MYH10: variants seen among roughly 807,000 people sequenced by gnomAD.
MYH10 encodes the protein myosin-10.
A neutral mutation model predicts 257.8 loss-of-function variants in MYH10; 55 were observed. The observed-to-expected ratio is 0.21, with a 90% CI of 0.17 to 0.27. The LOEUF is 0.27. MYH10 is among the 10% of genes least tolerant of loss of function. MYH10 has a pLI of 1.00. For synonymous variants in MYH10, 854 were observed against 921.7 expected, an observed-to-expected ratio of 0.93 and a Z score of 1.33; for missense variants, 1,631 against 2,500.6, an observed-to-expected ratio of 0.65 and a Z score of 7.42.
chr17:8,535,958 A>G lies in MYH10; in HGVS notation c.1606-27T>C. 1 of 1,602,034 alleles carries G rather than the reference A, an allele frequency of 6.2e-7. No individual in the cohort carries two copies. Among genetic ancestry groups the G allele is most frequent in the Non-Finnish European group, 8.5e-7 (1 of 1,172,764 alleles). Reference sequence around the variant, plus strand: ...TGATAATGACAGGCAATAAGAATTCACAAGTTTTGCATGCCACTTTAATAC... The same window carrying G: ...TGATAATGACAGGCAATAAGAATTCGCAAGTTTTGCATGCCACTTTAATAC... On this transcript the variant is annotated intron_variant, in intron 14 of 42. Coordinates refer to ENST00000360416, the MANE Select transcript of MYH10 (RefSeq NM_001256012.3). The surrounding 1 kb of genome is among the most constrained non-coding windows in gnomAD (Gnocchi z 4.3).
intron 6 of MYH10, chr17:8,573,908 G>T: frequency 4.4e-6 from 3 of 680,122 alleles, no homozygotes; most frequent in Non-Finnish European, 5.4e-6. Flanking sequence ...AATGCCAAGT[G>T]CCAATGAGGA....
At chr17:8,608,959 T>C (rs928836540) in intron 2 of MYH10, among the ~76,000 whole-genome samples, 12 of 152,204 alleles carry the variant, frequency 7.9e-5, no homozygotes, top group Admixed American at 2.6e-4. Flanking sequence ...TACAGGCGCC[T>C]GCCACCACGC....
At position 8,510,379 on chromosome 17, in the gene MYH10, T is replaced by G. The variant is rs9989473; in HGVS notation, c.2953-430A>C. ...CAGTTATGTGAAATAGACATTTGTATCCGCTACAGGCTAAAGTACAAACTG... is the reference window on the plus strand; with the variant it reads ...CAGTTATGTGAAATAGACATTTGTAGCCGCTACAGGCTAAAGTACAAACTG... On this transcript the variant is annotated intron_variant, in intron 24 of 42. Coordinates refer to ENST00000360416, the MANE Select transcript of MYH10 (RefSeq NM_001256012.3). Among the ~76,000 whole-genome samples the G allele has an allele frequency of 5.8e-3, 888 of 152,262 alleles. 3 individuals carry two copies. Among genetic ancestry groups the G allele is most frequent in the Non-Finnish European group, 0.01 (691 of 68,020 alleles).
chr17:8,486,392 A>AT, intron 36 of MYH10, among the ~76,000 whole-genome samples: 1 of 152,280 alleles, frequency 6.6e-6, no homozygotes, highest in African/African-American at 2.4e-5. Context: ...TTTGTAATTA[A>AT]TTAGCTTAAT....
rs757128151 is a variant in MYH10, at chr17:8,493,814, C to T, written c.4128G>A (p.Lys1376=). The T allele has an allele frequency of 3.7e-6, 6 of 1,613,898 alleles. No homozygotes were observed. The African/African-American group carries it at 8.0e-5, about 22-fold the overall frequency. The change falls in exon 32 of 43, where the codon AAG becomes AAA. Residue 1376 remains lysine (K), a synonymous_variant. Coordinates refer to ENST00000360416, the MANE Select transcript of MYH10 (RefSeq NM_001256012.3). ...CCTCCTGCTGCTCCTGAAGACTGTT[C>T]TTCTCCTCTTCCAGCTGCCGGATCC... ...SSRIRQLEEE[K]NSLQEQQEEE...
At chr17:8,513,721 A>C (rs2081373168) in intron 22 of MYH10, 52 bp from the exon 23 acceptor site, 1 of 1,607,544 alleles carries the variant, frequency 6.2e-7, no homozygotes, top group African/African-American at 1.4e-5. Flanking sequence ...GCTCTTTCCT[A>C]TGGGTTTTTC....
At chr17:8,532,677 T>G (rs2082037184) in intron 16 of MYH10, among the ~76,000 whole-genome samples, 1 of 152,152 alleles carries the variant, frequency 6.6e-6, no homozygotes, top group Non-Finnish European at 1.5e-5. Context: ...AAGGAGGAAG[T>G]AGGAAGCTGG....
chr17:8,521,224 T>C lies in MYH10; in HGVS notation c.2019A>G (p.Ala673=), dbSNP rs748799087. ...TGMTETAFGS[A]YKTKKGMFRT... is the part of the protein sequence containing the mutation. ...GAAACATGCCCTTCTTGGTTTTATA[T>C]GCGGAGCCAAAAGCTGTCTCAGTCA... Residue 673 remains alanine (A), a synonymous_variant, in exon 18 of 43, where the codon GCA becomes GCG. Coordinates refer to ENST00000360416, the MANE Select transcript of MYH10 (RefSeq NM_001256012.3). 2 of 1,614,248 alleles carry C rather than the reference T, an allele frequency of 1.2e-6. No individual in the cohort carries two copies. Among genetic ancestry groups the C allele is most frequent in the Non-Finnish European group, 8.5e-7 (1 of 1,180,042 alleles).
chr17:8,481,236 A>C (rs1913736487), intron 38 of MYH10, 86 bp downstream of exon 38: 1 of 1,342,292 alleles, frequency 7.4e-7, no homozygotes, highest in Non-Finnish European at 1.0e-6. Context: ...CCACCCGCTG[A>C]TGCCAGGTGT....
intron 30 of MYH10, among the ~76,000 whole-genome samples, chr17:8,496,453 C>T (rs776987230): frequency 3.9e-5 from 6 of 152,200 alleles, no homozygotes; most frequent in Non-Finnish European, 7.3e-5. Flanking sequence ...CCAGGTAAGT[C>T]ACCAGAGCGG....
intron 41 of MYH10, 42 bp downstream of exon 41, chr17:8,478,296 C>G (rs754480258): frequency 3.3e-6 from 5 of 1,532,306 alleles, no homozygotes; most frequent in Middle Eastern, 1.7e-4. Context: ...TCCACCAGTT[C>G]CTTTGCTCAC....
In MYH10 at chr17:8,545,315, T is replaced by A; in HGVS notation, c.1431+133A>T. 1.1e-6 allele frequency: 1 copy of A among 941,390 alleles called. No individual in the cohort carries two copies. Among genetic ancestry groups the A allele is most frequent in the Non-Finnish European group, 1.6e-6 (1 of 628,286 alleles). 58.3% of individuals were successfully genotyped at this position (941,390 alleles called of 1,614,324 possible). Reference sequence around the variant, plus strand: ...GATTCACTGATTATTTGCCATTTATTGTTTGGCTCTACTAGAATGGCAGGG... The same window carrying A: ...GATTCACTGATTATTTGCCATTTATAGTTTGGCTCTACTAGAATGGCAGGG... On this transcript the variant is annotated intron_variant, in intron 13 of 42. Transcript: ENST00000360416. The surrounding 1 kb of genome is among the most constrained non-coding windows in gnomAD (Gnocchi z 4.7).
At chr17:8,498,596 C>T (rs1352801845) in intron 30 of MYH10, among the ~76,000 whole-genome samples, 2 of 151,938 alleles carry the variant, frequency 1.3e-5, no homozygotes, top group South Asian at 2.1e-4. Flanking sequence ...GCCTGTAATC[C>T]CAGCACTTTG....
intron 5 of MYH10, 28 bp downstream of exon 5, chr17:8,577,208 T>C: frequency 6.5e-7 from 1 of 1,535,306 alleles, no homozygotes; most frequent in South Asian, 1.2e-5. Context: ...AAGAAGAAGA[T>C]TTAAAAAACA....
chr17:8,599,870 T>C (rs2084525041), intron 3 of MYH10, among the ~76,000 whole-genome samples: 1 of 151,940 alleles, frequency 6.6e-6, no homozygotes, highest in Admixed American at 6.6e-5. Context: ...TTGACAGGAG[T>C]AGACACAAGA....
intron 37 of MYH10, among the ~76,000 whole-genome samples, chr17:8,481,828 G>A (rs1416686719): frequency 6.6e-6 from 1 of 152,236 alleles, no homozygotes; most frequent in Admixed American, 6.5e-5. Context: ...GATCAAGGAC[G>A]CTGGCTGCAC....
chr17:8,474,601 C>G lies in MYH10; in HGVS notation c.*1203G>C, dbSNP rs899226399. 7 of 152,530 alleles carry G rather than the reference C, an allele frequency of 4.6e-5. No homozygotes were observed. The highest frequency in any genetic ancestry group is 1.7e-4 in the African/African-American group (7 of 41,426). The allele number at this position is 152,530 out of a possible 1,614,324, so 9.4% of individuals were successfully genotyped here. On this transcript the variant is annotated 3_prime_UTR_variant, in exon 43 of 43. Coordinates refer to ENST00000360416, the MANE Select transcript of MYH10 (RefSeq NM_001256012.3). Reference sequence around the variant, plus strand: ...AGAGGTACATGATATGAAGCACAGTCAAAACTGAATACATTAAATTGTTAT... The same window carrying G: ...AGAGGTACATGATATGAAGCACAGTGAAAACTGAATACATTAAATTGTTAT...
At chr17:8,540,042 T>G (rs199810545) in intron 14 of MYH10, among the ~76,000 whole-genome samples, 1 of 152,146 alleles carries the variant, frequency 6.6e-6, no homozygotes. Context: ...TAGACTGGAG[T>G]GCAGTGGTGC....
rs199804622 is a variant in MYH10, at chr17:8,569,819, G to A, written c.664-7C>T. 48 of 1,594,216 alleles carry A rather than the reference G, an allele frequency of 3.0e-5. No individual in the cohort carries two copies. The East Asian group carries it at 1.1e-3, about 35-fold the overall frequency. On this transcript the variant is annotated splice_polypyrimidine_tract_variant and splice_region_variant and intron_variant, in intron 6 of 42. Transcript: ENST00000360416. The surrounding 1 kb of genome is among the most constrained non-coding windows in gnomAD (Gnocchi z 4.1). The stretch of plus-strand genomic sequence containing the variant: ...GCTGCCGTTCAAGTTCCCCCTAAAA[G>A]ACATTACACACACACAAATAAAAGC...
Sources: gnomAD v4.1 joint callset for allele counts (sites outside exome capture counted in the v4.1 genomes callset) on GRCh38, gnomAD v4.1.1 for gene constraint, Gnocchi (gnomAD v3.1) non-coding constraint, MANE v1.5 for transcripts, NCBI Gene and HGNC (gene_info 2026-07-23, HGNC 2026-07-21) for gene names.